Variants in SGIP1 observed in about 807,000 individuals in gnomAD.
The protein encoded by SGIP1 is SH3GL interacting endocytic adaptor 1, also known as SH3-containing GRB2-like protein 3-interacting protein 1.
SGIP1 carries 38 observed loss-of-function variants against 107.5 expected under a neutral mutation model. The observed-to-expected ratio is 0.35, with a 90% CI of 0.27 to 0.46. The LOEUF (loss-of-function observed/expected upper bound fraction) is 0.46. SGIP1 is among the 20% of genes least tolerant of loss of function. SGIP1 has a pLI of 1.00. For synonymous variants in SGIP1, 365 were observed against 366.1 expected (o/e 1.00, Z 0.03); for missense variants, 929 against 1,019.5 (o/e 0.91, Z 1.21).
chr1:66,716,228 G>A (rs146842982), intron 18 of SGIP1, among the ~76,000 whole-genome samples: 3 of 152,234 alleles, frequency 2.0e-5, no homozygotes, highest in Non-Finnish European at 4.4e-5. Context: ...TAATCCACTA[G>A]AGAGTTCCTT....
At chr1:66,565,282 T>A (rs2059487401) in intron 1 of SGIP1, among the ~76,000 whole-genome samples, 1 of 152,088 alleles carries the variant, frequency 6.6e-6, no homozygotes, top group Admixed American at 6.6e-5. Flanking sequence ...CTGAAATAAT[T>A]TATCCCTTTT....
Position 66,695,437 on chromosome 1 carries a change from A to G in SGIP1, c.1574A>G (p.Asn525Ser). Residue 525 changes from asparagine to serine, a missense_variant, in exon 18 of 25, where the codon AAT becomes AGT. By Grantham distance (46) the Asn-to-Ser change is conservative. Coordinates refer to ENST00000371037, the MANE Select transcript of SGIP1 (RefSeq NM_032291.4). ...LSAATTPTVENEQPSLVWFDR... is the reference protein window; with the variant it reads ...LSAATTPTVESEQPSLVWFDR... Reference sequence around the variant, plus strand: ...GCTTCAACTCCTGGCCATACAGAGAATGAACAGCCTTCCCTCGTTTGGTTT... The same window carrying G: ...GCTTCAACTCCTGGCCATACAGAGAGTGAACAGCCTTCCCTCGTTTGGTTT... 1.2e-6 allele frequency: 2 copies of G among 1,614,046 alleles called. No homozygotes were observed. The highest frequency in any genetic ancestry group is 1.7e-6 in the Non-Finnish European group (2 of 1,179,992).
intron 20 of SGIP1, among the ~76,000 whole-genome samples, chr1:66,732,456 G>A (rs900735953): frequency 6.6e-6 from 1 of 152,138 alleles, no homozygotes; most frequent in Non-Finnish European, 1.5e-5. Context: ...TTAAGGACCA[G>A]GTGTATTTTC....
chr1:66,619,137 T>TC (rs1055499064), intron 1 of SGIP1, among the ~76,000 whole-genome samples: 2 of 152,200 alleles, frequency 1.3e-5, no homozygotes, highest in African/African-American at 4.8e-5. Flanking sequence ...TCTAGGTCAC[T>TC]CCTAGAGCTG....
At chr1:66,540,592 T>C (rs922398882) in intron 1 of SGIP1, among the ~76,000 whole-genome samples, 4 of 152,214 alleles carry the variant, frequency 2.6e-5, no homozygotes, top group Admixed American at 2.0e-4. Context: ...TGAGTGAATG[T>C]AAACGAGTGT....
At chr1:66,672,134 C>A in intron 11 of SGIP1, 139 bp downstream of exon 11, 1 of 747,178 alleles carries the variant, frequency 1.3e-6, no homozygotes, top group Non-Finnish European at 2.3e-6. Flanking sequence ...ATGTCCACAG[C>A]ATGGTCCAAA....
intron 14 of SGIP1, among the ~76,000 whole-genome samples, chr1:66,680,731 A>G (rs2086518075): frequency 2.0e-5 from 3 of 152,200 alleles, no homozygotes; most frequent in Admixed American, 6.5e-5. Flanking sequence ...ACTATGCAAA[A>G]TGCTTCCCCA....
chr1:66,707,350 C>T (rs752924434), intron 18 of SGIP1, among the ~76,000 whole-genome samples: 12 of 152,082 alleles, frequency 7.9e-5, no homozygotes, highest in African/African-American at 2.2e-4. Flanking sequence ...TCACTTCTGG[C>T]CATCAGCAGT....
intron 1 of SGIP1, among the ~76,000 whole-genome samples, chr1:66,618,697 GAC>G (rs1344384005): frequency 1.3e-5 from 2 of 152,234 alleles, no homozygotes; most frequent in Non-Finnish European, 2.9e-5. Context: ...TAAAGTGCTT[GAC>G]ACAGTGCCTG....
At chr1:66,729,218 G>A in intron 19 of SGIP1, 46 bp from the exon 20 acceptor site, 1 of 1,600,734 alleles carries the variant, frequency 6.2e-7, no homozygotes, top group South Asian at 1.1e-5. Flanking sequence ...TCAGTGTATT[G>A]ACATGGATTT....
chr1:66,618,157 A>C (rs1047437846), intron 1 of SGIP1, among the ~76,000 whole-genome samples: 3 of 152,210 alleles, frequency 2.0e-5, no homozygotes, highest in Non-Finnish European at 2.9e-5. Context: ...ACATGTTTTG[A>C]GCTAAATTGA....
chr1:66,616,562 C>T (rs2069368836), intron 1 of SGIP1, among the ~76,000 whole-genome samples: 6 of 152,154 alleles, frequency 3.9e-5, no homozygotes, highest in Admixed American at 3.9e-4. Context: ...GTCCTAGGAA[C>T]TTGTCTTAGG....
At chr1:66,709,364 T>C (rs1389090691) in intron 18 of SGIP1, among the ~76,000 whole-genome samples, 1 of 152,086 alleles carries the variant, frequency 6.6e-6, no homozygotes. Flanking sequence ...GGACGAGGCC[T>C]ATGGGGCTCT....
In SGIP1 at chr1:66,635,515, T is replaced by C. The variant is rs573447654; in HGVS notation, c.100-429T>C. Among the ~76,000 whole-genome samples the C allele has an allele frequency of 5.3e-5, 8 of 152,338 alleles. 1 individual carries two copies. In the South Asian group the frequency reaches 1.7e-3, roughly 32 times the overall value. On this transcript the variant is annotated intron_variant, in intron 3 of 24. Coordinates refer to ENST00000371037, the MANE Select transcript of SGIP1 (RefSeq NM_032291.4). Reference sequence around the variant, plus strand: ...GGAGCTATCAGCTGTGTGTGCTGTATGTATTTGTGACCCACAGGAAGGCTT... The same window carrying C: ...GGAGCTATCAGCTGTGTGTGCTGTACGTATTTGTGACCCACAGGAAGGCTT...
intron 7 of SGIP1, 172 bp downstream of exon 7, chr1:66,643,891 AT>A: frequency 2.1e-6 from 1 of 484,700 alleles, no homozygotes; most frequent in Non-Finnish European, 3.4e-6. Flanking sequence ...AATTGTACTT[AT>A]TTTATATTGC....
chr1:66,700,108 C>T (rs534002452), intron 18 of SGIP1, among the ~76,000 whole-genome samples: 1 of 152,196 alleles, frequency 6.6e-6, no homozygotes, highest in African/African-American at 2.4e-5. Context: ...CAGTGGCTCA[C>T]GCCTGTAATT....
chr1:66,675,537 C>CTTTTTTTTTTTTTTTTTTTTTTTTTTT lies in SGIP1; in HGVS notation c.647-1464_647-1463insTTTTTTTTTTTTTTTTTTTTTTTTTTT, dbSNP rs141370211. Among the ~76,000 whole-genome samples, 17 of 109,238 alleles carry CTTTTTTTTTTTTTTTTTTTTTTTTTTT rather than the reference C, an allele frequency of 1.6e-4. 3 individuals carry two copies. Among genetic ancestry groups the CTTTTTTTTTTTTTTTTTTTTTTTTTTT allele is most frequent in the African/African-American group, 5.4e-4 (13 of 24,238 alleles). The allele number at this position is 109,238 out of a possible 152,430, so 71.7% of individuals were successfully genotyped here. A position where few individuals can be genotyped will look rare whatever the true frequency, so the allele number is the denominator to read the frequency against. On this transcript the variant is annotated intron_variant, in intron 12 of 24. Transcript: ENST00000371037. ...TTTCGTTGTTTTTCTTTTTCTTTTT[C>CTTTTTTTTTTTTTTTTTTTTTTTTTTT]TTTCTTTTTTTTTTTTTTTTTTGAC...
rs142716971 is a variant in SGIP1 at position 66,558,533 on chromosome 1, G to A, written c.10+24165G>A. Among the ~76,000 whole-genome samples the A allele has an allele frequency of 3.9e-4, 59 of 151,982 alleles. No homozygotes were observed. In the East Asian group the frequency reaches 9.3e-3, roughly 24 times the overall value. On this transcript the variant is annotated intron_variant, in intron 1 of 24. Transcript: ENST00000371037. ...CTAAACAACCCTGAAAGATTATGTT[G>A]TATTGCGAGTATCATTAATTAATAA...
At chr1:66,642,742 T>C (rs980734966) in intron 5 of SGIP1, 68 bp from the exon 6 acceptor site, 210 of 1,376,762 alleles carry the variant, frequency 1.5e-4, no homozygotes, top group East Asian at 7.6e-4. Flanking sequence ...TAGAAGACTC[T>C]AGAAAAAAAA....
Sources: allele counts gnomAD v4.1 joint callset (sites outside exome capture counted in the v4.1 genomes callset), GRCh38; gene constraint gnomAD v4.1.1; transcripts MANE v1.5; gene names NCBI Gene and HGNC (gene_info 2026-07-23, HGNC 2026-07-21).